ARHGEF10: variants seen among roughly 807,000 people sequenced by gnomAD.
ARHGEF10 encodes the protein Rho guanine nucleotide exchange factor (GEF) 10.
In ARHGEF10, 140 loss-of-function variants were observed where a neutral mutation model predicts 147.4. The observed-to-expected ratio is 0.95, with a 90% CI of 0.83 to 1.09. ARHGEF10 has a LOEUF of 1.09. Ranked by LOEUF, ARHGEF10 falls within the 50% of genes least tolerant of loss-of-function variation. The probability of loss-of-function intolerance (pLI) is 0.00; values close to 1 mark genes in which losing one functional copy is unlikely to be tolerated. For synonymous variants in ARHGEF10, 902 were observed against 695.8 expected, an observed-to-expected ratio of 1.30 and a Z score of -4.67; for missense variants, 2,222 against 1,752.7, an observed-to-expected ratio of 1.27 and a Z score of -4.78.
At chr8:1,850,918 A>G (rs537213277) in intron 2 of ARHGEF10, among the ~76,000 whole-genome samples, 16 of 152,190 alleles carry the variant, frequency 1.1e-4, no homozygotes, top group Admixed American at 9.8e-4. Flanking sequence ...CCTTAAATGC[A>G]TCTTACTGAG....
chr8:1,868,390 C>T (rs2129091443), intron 6 of ARHGEF10, among the ~76,000 whole-genome samples: 1 of 152,256 alleles, frequency 6.6e-6, no homozygotes, highest in East Asian at 1.9e-4. Context: ...GCAGGGAGGG[C>T]ACCGCTAGTC....
At chr8:1,835,392 C>A (rs1803519547) in intron 1 of ARHGEF10, among the ~76,000 whole-genome samples, 1 of 152,078 alleles carries the variant, frequency 6.6e-6, no homozygotes, top group Non-Finnish European at 1.5e-5. Flanking sequence ...AGGTCAAGGG[C>A]CTGTGTGGCT....
Position 1,929,138 on chromosome 8 carries a change from T to C in ARHGEF10, c.2922-148T>C, listed in dbSNP as rs1288249541. 5.7e-6 allele frequency: 5 copies of C among 874,848 alleles called. No individual in the cohort carries two copies. The East Asian group carries it at 1.1e-4, about 19-fold the overall frequency. 54.2% of individuals were successfully genotyped at this position (874,848 alleles called of 1,614,324 possible). ...ATAAAGAAATCAAGGTGGTTGCAAA[T>C]TTTTTAAAAGTACTGGCAAGTGTCC... On this transcript the variant is annotated intron_variant, in intron 24 of 28. Coordinates refer to ENST00000349830, the MANE Select transcript of ARHGEF10 (RefSeq NM_014629.4).
intron 21 of ARHGEF10, among the ~76,000 whole-genome samples, chr8:1,924,365 C>T (rs1432918403): frequency 6.6e-6 from 1 of 152,190 alleles, no homozygotes; most frequent in African/African-American, 2.4e-5. Context: ...TTTATGATTT[C>T]CTTGTTCCTA....
At chr8:1,890,443 G>A (rs774261823) in intron 11 of ARHGEF10, among the ~76,000 whole-genome samples, 4 of 149,804 alleles carry the variant, frequency 2.7e-5, no homozygotes, top group Non-Finnish European at 5.9e-5. Flanking sequence ...AGGTTGTGAG[G>A]AGACAGTGAG....
At chr8:1,839,156 CCGGTGTGGGGACAGTCTGG>C (rs1803776246) in intron 1 of ARHGEF10, among the ~76,000 whole-genome samples, 1 of 143,022 alleles carries the variant, frequency 7.0e-6, no homozygotes, top group South Asian at 2.3e-4. Flanking sequence ...TGGGGACTGT[CCGGTGTGGGGACAGTCTGG>C]TGTGGGGACT....
At chr8:1,856,193 C>G (rs1370182045) in intron 2 of ARHGEF10, among the ~76,000 whole-genome samples, 1 of 152,246 alleles carries the variant, frequency 6.6e-6, no homozygotes, top group African/African-American at 2.4e-5. Flanking sequence ...ACACACACTC[C>G]TATCAGACGT....
chr8:1,874,131 C>T (rs1424459973), intron 7 of ARHGEF10, among the ~76,000 whole-genome samples: 1 of 152,224 alleles, frequency 6.6e-6, no homozygotes, highest in Non-Finnish European at 1.5e-5. Context: ...CCAGCCCAGG[C>T]ATTCAAGAGG....
rs762778852 is a variant in ARHGEF10, at chr8:1,860,144, C to T, written c.441C>T (p.Ser147=). ...SNLPLLLPAY[S]SPVIICATSL... is the part of the protein sequence containing the mutation. ...TGCCCCTCCTGCTGCCCGCCTACTC[C>T]AGCCCGGTCATCATCTGCGCCACGT... The change falls in exon 4 of 29, where the codon TCC becomes TCT. Residue 147 remains serine, a synonymous_variant. Transcript: ENST00000349830. 4.2e-5 allele frequency: 68 copies of T among 1,613,826 alleles called. 1 individual carries two copies. In the South Asian group the frequency reaches 6.9e-4, roughly 16 times the overall value.
intron 26 of ARHGEF10, among the ~76,000 whole-genome samples, chr8:1,935,376 T>C (rs564616995): frequency 6.6e-6 from 1 of 152,200 alleles, no homozygotes; most frequent in South Asian, 2.1e-4. Flanking sequence ...TGGGCAAATG[T>C]ATCTCAGCAT....
At chr8:1,891,243 A>G (rs530186866) in intron 11 of ARHGEF10, among the ~76,000 whole-genome samples, 2 of 152,190 alleles carry the variant, frequency 1.3e-5, no homozygotes, top group African/African-American at 4.8e-5. Flanking sequence ...ATTCACATCG[A>G]TTTTGTTTTC....
intron 18 of ARHGEF10, among the ~76,000 whole-genome samples, chr8:1,919,614 T>C (rs1432511618): frequency 1.3e-5 from 2 of 150,604 alleles, no homozygotes; most frequent in Admixed American, 1.3e-4. Flanking sequence ...GATAAACTGT[T>C]CTGTCAAGTG....
intron 7 of ARHGEF10, chr8:1,869,735 A>T (rs1385210610): frequency 1.7e-5 from 4 of 232,190 alleles, no homozygotes; most frequent in South Asian, 5.5e-5. Flanking sequence ...GAGGCCGCGG[A>T]GCACCAGGCC....
At position 1,933,819 on chromosome 8, in the gene ARHGEF10, A is replaced by T; in HGVS notation, c.3099A>T (p.Glu1033Asp). 6.2e-7 allele frequency: 1 copy of T among 1,614,204 alleles called. No homozygotes were observed. Among genetic ancestry groups the T allele is most frequent in the East Asian group, 2.2e-5 (1 of 44,886 alleles). The change falls in exon 26 of 29, where the codon GAA (glutamate) becomes GAT (aspartate). Residue 1033 changes from glutamate (E) to aspartate (D), a missense_variant. Coordinates refer to ENST00000349830, the MANE Select transcript of ARHGEF10 (RefSeq NM_014629.4). ...TTTAAGATGGATCCTGGGATTCAGA[A>T]CCTCAAAAAGTGATCAAGTTAGGCG... is the stretch of plus-strand genomic sequence containing the variant. The part of the protein sequence containing the change: ...ARAPDGSWDS[E>D]PQKVIKLGVL...
intron 28 of ARHGEF10, among the ~76,000 whole-genome samples, chr8:1,954,843 A>C (rs1484367828): frequency 6.6e-6 from 1 of 152,234 alleles, no homozygotes; most frequent in African/African-American, 2.4e-5. Flanking sequence ...TTTTTCTCTC[A>C]GCCTTGCTGG....
At chr8:1,870,038 G>C (rs1257817739) in intron 7 of ARHGEF10, 3 of 153,242 alleles carry the variant, frequency 2.0e-5, no homozygotes, top group African/African-American at 7.2e-5. Flanking sequence ...CCCGGAGGGA[G>C]TGGGGAGCCC....
Position 1,928,629 on chromosome 8 carries a change from G to T in ARHGEF10, c.2900G>T (p.Cys967Phe). 1.2e-6 allele frequency: 2 copies of T among 1,614,210 alleles called. No individual in the cohort carries two copies. Among genetic ancestry groups the T allele is most frequent in the Non-Finnish European group, 1.7e-6 (2 of 1,180,040 alleles). ...AVRASDVPTI[C>F]VGTEEGSISI... ...AGAGCTTCTGATGTCCCCACGATCT[G>T]TGTAGGGACGGAGGAGGGAAGGTAG... Residue 967 changes from cysteine (C) to phenylalanine (F), a missense_variant, in exon 24 of 29, where the codon TGT (cysteine) becomes TTT (phenylalanine). By Grantham distance (205) the Cys-to-Phe change is radical. Coordinates refer to ENST00000349830, the MANE Select transcript of ARHGEF10 (RefSeq NM_014629.4).
chr8:1,946,045 A>G (rs909010572), intron 27 of ARHGEF10: 1 of 371,362 alleles, frequency 2.7e-6, no homozygotes, highest in African/African-American at 2.1e-5. Flanking sequence ...TTTGGCTGGG[A>G]GGGCTGTTGG....
At chr8:1,893,885 ATGTC>A (rs1809751382) in intron 12 of ARHGEF10, among the ~76,000 whole-genome samples, 1 of 152,188 alleles carries the variant, frequency 6.6e-6, no homozygotes. Context: ...AGCTTTAAAA[ATGTC>A]TGGGCCAGGC....
Sources: allele counts gnomAD v4.1 joint callset (sites outside exome capture counted in the v4.1 genomes callset), GRCh38; gene constraint gnomAD v4.1.1; transcripts MANE v1.5; gene names NCBI Gene and HGNC (gene_info 2026-07-23, HGNC 2026-07-21).